LMX1A: variants seen among roughly 807,000 people sequenced by gnomAD.
The protein encoded by LMX1A is LIM homeobox transcription factor 1-alpha.
Under a neutral mutation model 49.1 loss-of-function variants are expected in LMX1A, and 15 were observed. The observed-to-expected ratio is 0.31, with a 90% confidence interval of 0.20 to 0.47. The LOEUF (loss-of-function observed/expected upper bound fraction) is 0.47, where lower values mean the gene tolerates loss of function less well. LMX1A is among the 20% of genes least tolerant of loss of function. The pLI is 1.00. For missense variants in LMX1A, 372 were observed against 475.8 expected, an observed-to-expected ratio of 0.78 and a Z score of 2.03; for synonymous variants, 167 against 185.7, an observed-to-expected ratio of 0.90 and a Z score of 0.82.
chr1:165,300,375 C>T (rs1197427345), intron 3 of LMX1A, among the ~76,000 whole-genome samples: 2 of 152,208 alleles, frequency 1.3e-5, no homozygotes, highest in Admixed American at 6.5e-5. Context: ...CTTTCCTCAA[C>T]AGAGTTGCTC....
At chr1:165,215,263 G>A (rs574237797) in intron 4 of LMX1A, among the ~76,000 whole-genome samples, 142 of 152,244 alleles carry the variant, frequency 9.3e-4, no homozygotes, top group African/African-American at 2.8e-3. Context: ...GCAGCAAGCC[G>A]AGATCACGCC....
rs1036390139 is a variant in LMX1A at position 165,288,536 on chromosome 1, C to T, written c.264-38896G>A. 2.6e-5 allele frequency among the ~76,000 whole-genome samples: 4 copies of T among 152,210 alleles called. No individual in the cohort carries two copies. The East Asian group carries it at 5.8e-4, about 22-fold the overall frequency. ...TGTGCTAGAAAAACCCCTCCTGGGC[C>T]GGTCCTGCAAGCAGCCAAGATGCGG... On this transcript the variant is annotated intron_variant, in intron 3 of 8. Transcript: ENST00000342310.
At chr1:165,354,216 A>G (rs1656523869) in intron 2 of LMX1A, among the ~76,000 whole-genome samples, 1 of 151,652 alleles carries the variant, frequency 6.6e-6, no homozygotes, top group South Asian at 2.1e-4. Context: ...TGCGCTCCCC[A>G]TTTCCCGGCT....
Position 165,213,623 on chromosome 1 carries a change from C to T in LMX1A, c.669+18G>A. The stretch of plus-strand genomic sequence containing the variant: ...GAAGTGGGGCCCAGCTCCTTTTCCT[C>T]CCTGCTCCCTCCTATACCTTCCTGC... On this transcript the variant is annotated intron_variant, in intron 5 of 8. Coordinates refer to ENST00000342310, the MANE Select transcript of LMX1A (RefSeq NM_177398.4). 6.2e-7 allele frequency: 1 copy of T among 1,607,566 alleles called. No individual in the cohort carries two copies. Among genetic ancestry groups the T allele is most frequent in the Non-Finnish European group, 8.5e-7 (1 of 1,176,932 alleles).
chr1:165,330,538 A>T (rs1439842282), intron 3 of LMX1A, among the ~76,000 whole-genome samples: 1 of 152,222 alleles, frequency 6.6e-6, no homozygotes, highest in African/African-American at 2.4e-5. Context: ...CTCCTATGAG[A>T]CCAACCTCCC....
rs1021242302 is a variant in LMX1A, at chr1:165,328,401, G to A, written c.263+24675C>T. ...TTCACAAGAGGATACAAGTGAGCCC[G>A]ATACAAGCCCTGCAGTCTGGAAGCA... On this transcript the variant is annotated intron_variant, in intron 3 of 8. Transcript: ENST00000342310. Among the ~76,000 whole-genome samples the A allele has an allele frequency of 1.1e-4, 16 of 152,356 alleles. No homozygotes were observed. The South Asian group carries it at 1.7e-3, about 16-fold the overall frequency.
intron 3 of LMX1A, among the ~76,000 whole-genome samples, chr1:165,280,828 C>G (rs980516019): frequency 6.6e-6 from 1 of 152,062 alleles, no homozygotes; most frequent in African/African-American, 2.4e-5. Context: ...TTTTACCACC[C>G]CACCCCCACC....
intron 4 of LMX1A, among the ~76,000 whole-genome samples, chr1:165,238,861 G>C (rs910936436): frequency 2.0e-5 from 3 of 152,158 alleles, no homozygotes; most frequent in African/African-American, 7.2e-5. Context: ...TGTGAATTCT[G>C]GTCCTTTCCA....
chr1:165,323,903 G>A (rs1401472929), intron 3 of LMX1A, among the ~76,000 whole-genome samples: 1 of 152,184 alleles, frequency 6.6e-6, no homozygotes, highest in Non-Finnish European at 1.5e-5. Flanking sequence ...CCCAACTACA[G>A]CACAAAAACA....
intron 4 of LMX1A, among the ~76,000 whole-genome samples, chr1:165,217,507 A>C (rs12068601): frequency 1.3e-5 from 2 of 152,166 alleles, no homozygotes; most frequent in African/African-American, 4.8e-5. Flanking sequence ...AGAGAAAAAC[A>C]TATTTGTTTT....
intron 4 of LMX1A, among the ~76,000 whole-genome samples, chr1:165,228,710 A>G (rs1571162040): frequency 6.6e-6 from 1 of 152,240 alleles, no homozygotes; most frequent in Non-Finnish European, 1.5e-5. Flanking sequence ...GTAATAAGAC[A>G]TGGCAAACAT....
chr1:165,312,780 C>A (rs1281077711), intron 3 of LMX1A, among the ~76,000 whole-genome samples: 2 of 152,208 alleles, frequency 1.3e-5, no homozygotes, highest in African/African-American at 4.8e-5. Context: ...CTGTACCAAA[C>A]AACAACAAAC....
chr1:165,211,920 T>G (rs1037218637), intron 5 of LMX1A, among the ~76,000 whole-genome samples: 1 of 152,162 alleles, frequency 6.6e-6, no homozygotes, highest in Non-Finnish European at 1.5e-5. Context: ...CATCTCCTTC[T>G]TGCTGGTTAC....
At chr1:165,235,407 G>GAC (rs5778434) in intron 4 of LMX1A, among the ~76,000 whole-genome samples, 143 of 134,466 alleles carry the variant, frequency 1.1e-3, no homozygotes, top group East Asian at 3.8e-3. Flanking sequence ...CGCTCGCGCG[G>GAC]ACACACACAC....
At chr1:165,215,559 G>A (rs947733518) in intron 4 of LMX1A, among the ~76,000 whole-genome samples, 3 of 152,162 alleles carry the variant, frequency 2.0e-5, no homozygotes, top group Non-Finnish European at 4.4e-5. Context: ...CCTCCTCTGT[G>A]AAGGATGCCC....
At chr1:165,285,719 G>C (rs993267849) in intron 3 of LMX1A, among the ~76,000 whole-genome samples, 1 of 152,170 alleles carries the variant, frequency 6.6e-6, no homozygotes, top group Admixed American at 6.5e-5. Context: ...AGCCAGGATG[G>C]GTTATTAAAC....
chr1:165,263,078 C>T (rs1170202619), intron 3 of LMX1A, among the ~76,000 whole-genome samples: 1 of 152,190 alleles, frequency 6.6e-6, no homozygotes, highest in Non-Finnish European at 1.5e-5. Flanking sequence ...TTACCAATTT[C>T]TCCTCATCTC....
At chr1:165,235,700 G>C (rs746029490) in intron 4 of LMX1A, among the ~76,000 whole-genome samples, 1 of 151,896 alleles carries the variant, frequency 6.6e-6, no homozygotes, top group Non-Finnish European at 1.5e-5. Flanking sequence ...GCTTTGCTCC[G>C]CGGGAATTAA....
chr1:165,329,292 G>A (rs373440976), intron 3 of LMX1A, among the ~76,000 whole-genome samples: 28 of 152,276 alleles, frequency 1.8e-4, no homozygotes, highest in African/African-American at 5.8e-4. Context: ...ACCAGGTCTC[G>A]CCCTCGACAT....
Sources: allele counts gnomAD v4.1 joint callset (sites outside exome capture counted in the v4.1 genomes callset), GRCh38; gene constraint gnomAD v4.1.1; transcripts MANE v1.5; gene names NCBI Gene and HGNC (gene_info 2026-07-23, HGNC 2026-07-21).